Variants in KLF5 observed in about 807,000 individuals in gnomAD.
The protein encoded by KLF5 is Krueppel-like factor 5.
Under a neutral mutation model 36.9 loss-of-function variants are expected in KLF5, and 9 were observed. That is an observed-to-expected ratio of 0.24 (90% CI 0.15 to 0.43). The LOEUF (loss-of-function observed/expected upper bound fraction) is 0.43. Among genes scored for constraint, KLF5 ranks in the 20% least tolerant of loss-of-function variants. The pLI is 1.00. For missense variants in KLF5, 524 were observed against 599.5 expected (o/e 0.87, Z 1.31); for synonymous variants, 246 against 241.7 (o/e 1.02, Z -0.17).
intron 1 of KLF5, 167 bp downstream of exon 1, chr13:73,059,755 G>C: frequency 8.9e-6 from 6 of 672,536 alleles, no homozygotes; most frequent in Non-Finnish European, 1.1e-5. Context: ...CCGGGGCCCC[G>C]CGTTTCGCTG....
chr13:73,069,093 C>T (rs1594397015), intron 3 of KLF5, among the ~76,000 whole-genome samples: 1 of 151,960 alleles, frequency 6.6e-6, no homozygotes, highest in Admixed American at 6.5e-5. Context: ...AAGACTCCAT[C>T]TGAAAAAATA....
At chr13:73,073,847 C>T (rs1193193842) in intron 3 of KLF5, among the ~76,000 whole-genome samples, 1 of 152,054 alleles carries the variant, frequency 6.6e-6, no homozygotes, top group Non-Finnish European at 1.5e-5. Context: ...ATATATCAGA[C>T]ATTTTATGTG....
rs916604485 is a variant in KLF5, at chr13:73,069,503, AT to A, written c.1195+5629del. Among the ~76,000 whole-genome samples, 24 of 148,508 alleles carry A rather than the reference AT, an allele frequency of 1.6e-4. No individual in the cohort carries two copies. In the East Asian group the frequency reaches 2.4e-3, roughly 15 times the overall value. The stretch of plus-strand genomic sequence containing the variant: ...TTAAACATTCTTTTCATTCTTTTCC[AT>A]TTTTTTTTCATTTGCAGCTTTGAAA... On this transcript the variant is annotated intron_variant, in intron 3 of 3. Transcript: ENST00000377687.
intron 1 of KLF5, 58 bp from the exon 2 acceptor site, chr13:73,061,803 G>A (rs41286078): frequency 0.043 from 65,965 of 1,534,070 alleles, 1,608 homozygotes; most frequent in Non-Finnish European, 0.052. Context: ...CCGATTGTTC[G>A]TTCTTCCCGA....
intron 1 of KLF5, among the ~76,000 whole-genome samples, chr13:73,061,041 T>A (rs2044631272): frequency 6.6e-6 from 1 of 152,156 alleles, no homozygotes. Context: ...AATGTTTTGC[T>A]GATGACTGTG....
chr13:73,074,434 A>G (rs2139118973), intron 3 of KLF5, among the ~76,000 whole-genome samples: 1 of 152,186 alleles, frequency 6.6e-6, no homozygotes, highest in East Asian at 1.9e-4. Flanking sequence ...GTATCTATAT[A>G]AAACTCAGCA....
At position 73,059,247 on chromosome 13, in the gene KLF5, C is replaced by G. The variant is rs1162608789; in HGVS notation, c.-81C>G. The G allele has an allele frequency of 8.1e-5, 101 of 1,239,896 alleles. No homozygotes were observed. Among genetic ancestry groups the G allele is most frequent in the Non-Finnish European group, 9.0e-5 (89 of 983,858 alleles). 76.8% of individuals were successfully genotyped at this position (1,239,896 alleles called of 1,614,324 possible). A position where few individuals can be genotyped will look rare whatever the true frequency, so the allele number is the denominator to read the frequency against. ...CCCCTCCTCCGCCGGCAGCCCCGCG[C>G]TGAGCTCGCCGACCCAAGCCAGCGT... On this transcript the variant is annotated 5_prime_UTR_variant, in exon 1 of 4. Transcript: ENST00000377687.
chr13:73,062,425 A>G lies in KLF5; in HGVS notation c.826A>G (p.Lys276Glu). The G allele has an allele frequency of 6.2e-7, 1 of 1,614,206 alleles. No individual in the cohort carries two copies. Among genetic ancestry groups the G allele is most frequent in the Non-Finnish European group, 8.5e-7 (1 of 1,180,044 alleles). Residue 276 changes from lysine to glutamate, a missense_variant, in exon 2 of 4, where the codon AAA becomes GAA. Lys to Glu is a moderately conservative substitution (Grantham distance 56, BLOSUM62 1). Around this residue, in one of 4 missense-constraint regions of KLF5, gnomAD observed 454 missense variants for 458.1 expected, o/e 0.99. Coordinates refer to ENST00000377687, the MANE Select transcript of KLF5 (RefSeq NM_001730.5). ...CTCTGCTGTTCCGCAGACTGCAGTG[A>G]AACAATTCCAGGGCATGCCCCCTTG... ...HTSAVPQTAV[K>E]QFQGMPPCTY...
upstream of KLF5, among the ~76,000 whole-genome samples, chr13:73,058,601 A>G (rs1218685709): frequency 6.6e-6 from 1 of 152,212 alleles, no homozygotes; most frequent in African/African-American, 2.4e-5. Context: ...TTTGAGTTTC[A>G]GGTCCTTGCA....
Position 73,061,956 on chromosome 13 carries a change from C to T in KLF5, c.357C>T (p.Val119=). The T allele has an allele frequency of 6.2e-7, 1 of 1,614,082 alleles. No homozygotes were observed. The highest frequency in any genetic ancestry group is 8.5e-7 in the Non-Finnish European group (1 of 1,179,962). The change falls in exon 2 of 4, where the codon GTC becomes GTT. Residue 119 remains valine (V), a synonymous_variant. Transcript: ENST00000377687. ...AGTATAGACGAGACAGTGCCTCAGT[C>T]GTAGACCAGTTCTTCACTGACACTG... ...HKKYRRDSAS[V]VDQFFTDTEG...
Position 73,059,589 on chromosome 13 carries a change from G to A in KLF5, c.261+1G>A. The A allele has an allele frequency of 8.6e-7, 1 of 1,158,838 alleles. No homozygotes were observed. The highest frequency in any genetic ancestry group is 1.1e-6 in the Non-Finnish European group (1 of 942,644). The allele number at this position is 1,158,838 out of a possible 1,614,324, so 71.8% of individuals were successfully genotyped here. A position where few individuals can be genotyped will look rare whatever the true frequency, so the allele number is the denominator to read the frequency against. On this transcript the variant is annotated splice_donor_variant, in intron 1 of 3. Transcript: ENST00000377687. LOFTEE classifies it high-confidence loss of function. ...GCTGCCTCCAGAGGACCTGGTCCAG[G>A]TAGGAAGAGCCGCTCCCCTCCCACC... is the stretch of plus-strand genomic sequence containing the variant.
intron 3 of KLF5, among the ~76,000 whole-genome samples, chr13:73,070,437 G>T (rs1249023766): frequency 6.6e-6 from 1 of 152,198 alleles, no homozygotes; most frequent in Non-Finnish European, 1.5e-5. Context: ...TCCGAGTGTT[G>T]TCTCGTTATC....
chr13:73,073,465 T>A (rs1179316465), intron 3 of KLF5, among the ~76,000 whole-genome samples: 1 of 152,198 alleles, frequency 6.6e-6, no homozygotes, highest in Non-Finnish European at 1.5e-5. Flanking sequence ...TAAAGTAAAC[T>A]TTAAAAAATA....
chr13:73,061,957 G>A lies in KLF5; in HGVS notation c.358G>A (p.Val120Ile), dbSNP rs925413367. 4 of 1,613,962 alleles carry A rather than the reference G, an allele frequency of 2.5e-6. No individual in the cohort carries two copies. The African/African-American group carries it at 4.0e-5, about 16-fold the overall frequency. Residue 120 changes from valine to isoleucine, a missense_variant, in exon 2 of 4, where the codon GTA becomes ATA. Transcript: ENST00000377687. ...GTATAGACGAGACAGTGCCTCAGTC[G>A]TAGACCAGTTCTTCACTGACACTGA... is the stretch of plus-strand genomic sequence containing the variant. ...KKYRRDSASV[V>I]DQFFTDTEGL...
intron 3 of KLF5, among the ~76,000 whole-genome samples, chr13:73,074,783 C>A (rs1186315227): frequency 6.6e-6 from 1 of 152,256 alleles, no homozygotes; most frequent in East Asian, 1.9e-4. Context: ...GTAGGTTGAA[C>A]AATTTCAGAC....
At chr13:73,072,762 G>A (rs2044731224) in intron 3 of KLF5, among the ~76,000 whole-genome samples, 1 of 152,152 alleles carries the variant, frequency 6.6e-6, no homozygotes, top group Non-Finnish European at 1.5e-5. Context: ...TACCGGTAAT[G>A]TTTCTGCTTA....
At chr13:73,063,379 CA>C (rs1315683352) in intron 2 of KLF5, among the ~76,000 whole-genome samples, 3 of 152,000 alleles carry the variant, frequency 2.0e-5, no homozygotes, top group Non-Finnish European at 2.9e-5. Flanking sequence ...TAATACATGG[CA>C]AAATTTATTG....
rs2044613635 is a variant in KLF5, at chr13:73,059,520, G to A, written c.193G>A (p.Ala65Thr). 7.5e-6 allele frequency: 9 copies of A among 1,204,476 alleles called. No homozygotes were observed. Among genetic ancestry groups the A allele is most frequent in the Non-Finnish European group, 8.2e-6 (8 of 974,144 alleles). The allele number at this position is 1,204,476 out of a possible 1,614,324, so 74.6% of individuals were successfully genotyped here. A position where few individuals can be genotyped will look rare whatever the true frequency, so the allele number is the denominator to read the frequency against. ...CCGCCCGCAGGCGCAGCCCGCGCCC[G>A]CGCAGGCCCCGCAGCCGGCCCAGCC... ...HHRPQAQPAP[A>T]QAPQPAQPPA... Residue 65 changes from alanine (A) to threonine (T), a missense_variant, in exon 1 of 4, where the codon GCG becomes ACG. Transcript: ENST00000377687.
upstream of KLF5, chr13:73,055,037 T>G (rs967678986): frequency 2.6e-5 from 4 of 152,234 alleles, no homozygotes; most frequent in African/African-American, 2.4e-5. Flanking sequence ...ATTTAAATAC[T>G]GTGCAGTTTA....
Sources: gnomAD v4.1 joint callset for allele counts (sites outside exome capture counted in the v4.1 genomes callset) on GRCh38, gnomAD v4.1.1 for gene constraint, gnomAD v4.1.1 regional missense constraint, MANE v1.5 for transcripts, NCBI Gene and HGNC (gene_info 2026-07-23, HGNC 2026-07-21) for gene names.